Variants in CNTNAP2 observed in about 807,000 individuals in gnomAD.
CNTNAP2 encodes contactin associated protein 2.
In CNTNAP2, 98 loss-of-function variants were observed where a neutral mutation model predicts 155.2. The observed-to-expected ratio is 0.63, with a 90% CI of 0.54 to 0.75. CNTNAP2 has a LOEUF of 0.75. CNTNAP2 is among the 30% of genes least tolerant of loss of function. The pLI is 0.00. For missense variants in CNTNAP2, 1,727 were observed against 1,688.1 expected, an observed-to-expected ratio of 1.02 and a Z score of -0.40; for synonymous variants, 651 against 631.2, an observed-to-expected ratio of 1.03 and a Z score of -0.47.
intron 1 of CNTNAP2, among the ~76,000 whole-genome samples, chr7:146,265,445 T>TTTTC (rs1043324382): frequency 1.4e-5 from 2 of 142,508 alleles, no homozygotes; most frequent in Non-Finnish European, 2.9e-5. Flanking sequence ...TTTTCTTTTT[T>TTTTC]TTTCTTTCTT....
chr7:146,509,708 G>A (rs959130543), intron 1 of CNTNAP2, among the ~76,000 whole-genome samples: 8 of 152,088 alleles, frequency 5.3e-5, no homozygotes, highest in African/African-American at 7.2e-5. Flanking sequence ...ACCTGTGTAC[G>A]TCGGCCTTCA....
chr7:146,212,133 T>G (rs1038061769), intron 1 of CNTNAP2, among the ~76,000 whole-genome samples: 2 of 152,184 alleles, frequency 1.3e-5, no homozygotes, highest in African/African-American at 4.8e-5. Context: ...TATACAGAGC[T>G]TCTTAAAAAT....
intron 1 of CNTNAP2, among the ~76,000 whole-genome samples, chr7:146,400,454 T>C (rs1795698100): frequency 6.6e-6 from 1 of 152,162 alleles, no homozygotes; most frequent in East Asian, 1.9e-4. Context: ...ACATTCAAGT[T>C]GTTTTAGTTA....
At chr7:146,906,694 G>C (rs1348551107) in intron 3 of CNTNAP2, among the ~76,000 whole-genome samples, 2 of 152,162 alleles carry the variant, frequency 1.3e-5, no homozygotes, top group African/African-American at 4.8e-5. Flanking sequence ...AAACCACAAA[G>C]ATGGGGAGAA....
intron 3 of CNTNAP2, among the ~76,000 whole-genome samples, chr7:146,937,360 AAAT>A (rs1447203312): frequency 7.4e-6 from 1 of 134,570 alleles, no homozygotes. Flanking sequence ...TCAAAAAAAA[AAAT>A]AAAAATAAAA....
At chr7:146,344,283 G>A (rs941340794) in intron 1 of CNTNAP2, among the ~76,000 whole-genome samples, 11 of 151,996 alleles carry the variant, frequency 7.2e-5, no homozygotes, top group African/African-American at 2.7e-4. Context: ...ATTTACCAAG[G>A]TAAATTATCC....
intron 10 of CNTNAP2, among the ~76,000 whole-genome samples, chr7:147,420,353 A>G (rs754465327): frequency 6.6e-6 from 1 of 152,192 alleles, no homozygotes; most frequent in Non-Finnish European, 1.5e-5. Flanking sequence ...GAGTACCACA[A>G]TTGGTGACAT....
At chr7:147,883,728 A>G (rs1799560810) in intron 13 of CNTNAP2, among the ~76,000 whole-genome samples, 1 of 152,216 alleles carries the variant, frequency 6.6e-6, no homozygotes, top group Non-Finnish European at 1.5e-5. Flanking sequence ...AAATGTGCGC[A>G]TGATTTTTAA....
chr7:146,127,839 A>T (rs1259966939), intron 1 of CNTNAP2, among the ~76,000 whole-genome samples: 1 of 152,182 alleles, frequency 6.6e-6, no homozygotes, highest in African/African-American at 2.4e-5. Flanking sequence ...ATAACTATAT[A>T]TATTTAGTGT....
chr7:148,403,873 C>T lies in CNTNAP2; in HGVS notation c.3716-5518C>T, dbSNP rs186780852. Among the ~76,000 whole-genome samples the T allele has an allele frequency of 5.8e-3, 805 of 139,260 alleles. 7 individuals carry two copies. The highest frequency in any genetic ancestry group is 0.019 in the African/African-American group (738 of 39,766). The allele number at this position is 139,260 out of a possible 152,430, so 91.4% of individuals were successfully genotyped here. On this transcript the variant is annotated intron_variant, in intron 22 of 23. Transcript: ENST00000361727. Reference sequence around the variant, plus strand: ...ATCCAGGAAAATAGGAGTGCTCACACTAAACAAACAAAAGATTTTGCCCTT... The same window carrying T: ...ATCCAGGAAAATAGGAGTGCTCACATTAAACAAACAAAAGATTTTGCCCTT...
chr7:147,941,405 AG>A (rs1418055114), intron 14 of CNTNAP2, among the ~76,000 whole-genome samples: 6 of 152,176 alleles, frequency 3.9e-5, no homozygotes, highest in Non-Finnish European at 7.3e-5. Context: ...TTCTGGAAAT[AG>A]GTCTCCTTCC....
In CNTNAP2 at chr7:148,420,096, G is replaced by GA. The variant is rs1800080386; in HGVS notation, c.*4480_*4481insA. On this transcript the variant is annotated 3_prime_UTR_variant, in exon 24 of 24. Transcript: ENST00000361727. Reference sequence around the variant, plus strand: ...ACTGGCATGGCTCTACAGCTGCTCAGTTATTAATCATGCAGACTAACCTGT... The same window carrying GA: ...ACTGGCATGGCTCTACAGCTGCTCAGATTATTAATCATGCAGACTAACCTGT... 6.6e-6 allele frequency: 1 copy of GA among 152,218 alleles called. No homozygotes were observed. Among genetic ancestry groups the GA allele is most frequent in the African/African-American group, 2.4e-5 (1 of 41,442 alleles). The allele number at this position is 152,218 out of a possible 1,614,324, so 9.4% of individuals were successfully genotyped here. A position where few individuals can be genotyped will look rare whatever the true frequency, so the allele number is the denominator to read the frequency against.
intron 1 of CNTNAP2, among the ~76,000 whole-genome samples, chr7:146,629,584 T>C (rs1416435643): frequency 2.0e-5 from 3 of 152,162 alleles, no homozygotes; most frequent in Non-Finnish European, 4.4e-5. Context: ...TTCCTGAAAA[T>C]GAAATTTTCC....
At chr7:146,195,914 T>C (rs1481823390) in intron 1 of CNTNAP2, among the ~76,000 whole-genome samples, 1 of 152,212 alleles carries the variant, frequency 6.6e-6, no homozygotes, top group Admixed American at 6.5e-5. Flanking sequence ...CAAACTCCCT[T>C]CATGACCACT....
chr7:146,304,134 C>G (rs1272705036), intron 1 of CNTNAP2, among the ~76,000 whole-genome samples: 2 of 147,124 alleles, frequency 1.4e-5, no homozygotes, highest in Non-Finnish European at 3.0e-5. Context: ...AGATCTTCCT[C>G]TGTCCCTTTT....
intron 22 of CNTNAP2, among the ~76,000 whole-genome samples, chr7:148,392,498 C>A (rs1325685378): frequency 1.3e-5 from 2 of 152,184 alleles, no homozygotes; most frequent in African/African-American, 4.8e-5. Context: ...AAATTGCTAG[C>A]AGGTGAATTC....
chr7:147,461,116 G>A (rs958838771), intron 10 of CNTNAP2, among the ~76,000 whole-genome samples: 2 of 152,040 alleles, frequency 1.3e-5, no homozygotes, highest in African/African-American at 4.8e-5. Context: ...AATCTGTCAC[G>A]ACACTTGAAA....
intron 11 of CNTNAP2, among the ~76,000 whole-genome samples, chr7:147,514,967 C>T (rs1432001474): frequency 6.6e-6 from 1 of 152,166 alleles, no homozygotes; most frequent in Non-Finnish European, 1.5e-5. Context: ...TGGTCATGTC[C>T]AACCTCATGT....
At chr7:148,164,988 G>A (rs1338835605) in intron 17 of CNTNAP2, among the ~76,000 whole-genome samples, 1 of 151,952 alleles carries the variant, frequency 6.6e-6, no homozygotes. Context: ...AGTGAGAAGA[G>A]GGACCCCAAG....
Sources: allele counts gnomAD v4.1 joint callset (sites outside exome capture counted in the v4.1 genomes callset), GRCh38; gene constraint gnomAD v4.1.1; transcripts MANE v1.5; gene names NCBI Gene and HGNC (gene_info 2026-07-23, HGNC 2026-07-21).